ODAD4: variants seen among roughly 807,000 people sequenced by gnomAD.
The protein encoded by ODAD4 is outer dynein arm docking complex subunit 4.
Under a neutral mutation model 51.8 loss-of-function variants are expected in ODAD4, and 49 were observed. That is an observed-to-expected ratio of 0.95 (90% CI 0.75 to 1.20). The LOEUF is 1.20. ODAD4 is among the 50% of genes most tolerant of loss of function. The probability of loss-of-function intolerance (pLI) is 0.00; values close to 1 mark genes in which losing one functional copy is unlikely to be tolerated. For synonymous variants in ODAD4, 235 were observed against 221.3 expected (o/e 1.06, Z -0.55); for missense variants, 590 against 586.5 (o/e 1.01, Z -0.06).
chr17:41,952,696 G>A (rs2050675439), intron 9 of ODAD4: 1 of 514,274 alleles, frequency 1.9e-6, no homozygotes. Context: ...CATATTTTCA[G>A]AATTACACTT....
intron 8 of ODAD4, among the ~76,000 whole-genome samples, chr17:41,947,037 A>T (rs1442196621): frequency 4.0e-5 from 6 of 151,058 alleles, no homozygotes; most frequent in African/African-American, 1.5e-4. Context: ...TTTAGTAGAG[A>T]CGGGGTTTCC....
intron 9 of ODAD4, 31 bp from the exon 10 acceptor site, chr17:41,955,186 C>G (rs1414469264): frequency 1.3e-6 from 1 of 760,450 alleles, no homozygotes; most frequent in South Asian, 1.4e-5. Flanking sequence ...CACACTCTAC[C>G]TGTGTTGTGC....
At chr17:41,959,701 G>A (rs1384517586) in intron 10 of ODAD4, among the ~76,000 whole-genome samples, 5 of 152,204 alleles carry the variant, frequency 3.3e-5, no homozygotes, top group African/African-American at 4.8e-5. Context: ...TCCCGGTGGC[G>A]GGGGATGGTG....
chr17:41,942,205 G>A (rs1317551196), intron 7 of ODAD4, among the ~76,000 whole-genome samples: 1 of 152,158 alleles, frequency 6.6e-6, no homozygotes. Flanking sequence ...CAAAGTGCTA[G>A]GATGACAGGT....
Position 41,966,492 on chromosome 17 carries a change from G to A in ODAD4, c.*1009G>A, listed in dbSNP as rs2050889718. On this transcript the variant is annotated 3_prime_UTR_variant, in exon 12 of 12. Transcript: ENST00000377540. Reference sequence around the variant, plus strand: ...ATATCAAAAATTAAAGACAGGATCCGACTTTGCACGACCCTGCCTCACTCA... The same window carrying A: ...ATATCAAAAATTAAAGACAGGATCCAACTTTGCACGACCCTGCCTCACTCA... Among the ~76,000 whole-genome samples, 1 of 152,198 alleles carries A rather than the reference G, an allele frequency of 6.6e-6. No individual in the cohort carries two copies. The highest frequency in any genetic ancestry group is 6.5e-5 in the Admixed American group (1 of 15,286).
At chr17:41,948,081 G>A (rs1416165468) in intron 8 of ODAD4, among the ~76,000 whole-genome samples, 5 of 151,896 alleles carry the variant, frequency 3.3e-5, no homozygotes, top group African/African-American at 9.7e-5. Context: ...TCTTGCCATT[G>A]CACTCCAGAC....
intron 11 of ODAD4, among the ~76,000 whole-genome samples, chr17:41,963,066 G>A (rs903595235): frequency 2.0e-5 from 3 of 152,192 alleles, no homozygotes; most frequent in South Asian, 4.1e-4. Flanking sequence ...GAGACTCTGC[G>A]GGGAAGCAGC....
chr17:41,945,002 GC>G, intron 7 of ODAD4, 133 bp from the exon 8 acceptor site: 1 of 666,194 alleles, frequency 1.5e-6, no homozygotes. Context: ...TCCTTGCTGG[GC>G]TGGACATTGT....
intron 9 of ODAD4, among the ~76,000 whole-genome samples, chr17:41,953,655 A>T (rs1287024243): frequency 7.0e-6 from 1 of 142,638 alleles, no homozygotes; most frequent in African/African-American, 2.6e-5. Flanking sequence ...TAATTTAATT[A>T]TATATATATA....
intron 9 of ODAD4, among the ~76,000 whole-genome samples, chr17:41,950,676 G>A (rs1013294033): frequency 6.2e-4 from 93 of 150,382 alleles, no homozygotes; most frequent in African/African-American, 2.0e-3. Flanking sequence ...GCGCCTGGCC[G>A]AGGAAACCTT....
chr17:41,955,667 G>A (rs996245926), intron 10 of ODAD4, among the ~76,000 whole-genome samples: 7 of 152,056 alleles, frequency 4.6e-5, no homozygotes, highest in South Asian at 2.1e-4. Context: ...TTTGTGATCC[G>A]CCCGCCTTGG....
At chr17:41,951,808 C>T (rs1382601056) in intron 9 of ODAD4, among the ~76,000 whole-genome samples, 1 of 141,968 alleles carries the variant, frequency 7.0e-6, no homozygotes, top group Non-Finnish European at 1.5e-5. Context: ...TGCTTGAATC[C>T]AGGAGGCGGA....
chr17:41,935,220 C>T lies in ODAD4; in HGVS notation c.118C>T (p.Leu40Phe), dbSNP rs554993453. The change falls in exon 2 of 12, where the codon CTT (leucine) becomes TTT (phenylalanine). Residue 40 changes from leucine to phenylalanine, a missense_variant. Coordinates refer to ENST00000377540, the MANE Select transcript of ODAD4 (RefSeq NM_031421.5). ...SKAAQSFSNALYLQDGDKNCL... is the reference protein window; with the variant it reads ...SKAAQSFSNAFYLQDGDKNCL... Reference sequence around the variant, plus strand: ...ACCTGACTGGTTTCTTTGTCAGGCTCTTTACCTTCAGGATGGAGACAAGAA... The same window carrying T: ...ACCTGACTGGTTTCTTTGTCAGGCTTTTTACCTTCAGGATGGAGACAAGAA... 4.3e-6 allele frequency: 7 copies of T among 1,613,848 alleles called. No homozygotes were observed. The Admixed American group carries it at 8.3e-5, about 19-fold the overall frequency.
chr17:41,940,059 C>T (rs951329842), intron 7 of ODAD4, among the ~76,000 whole-genome samples: 2 of 152,140 alleles, frequency 1.3e-5, no homozygotes, highest in East Asian at 1.9e-4. Flanking sequence ...GACTTCCACC[C>T]GGAGGTTCCA....
chr17:41,942,923 TGCAA>T (rs1172670350), intron 7 of ODAD4, among the ~76,000 whole-genome samples: 1 of 151,998 alleles, frequency 6.6e-6, no homozygotes, highest in Non-Finnish European at 1.5e-5. Flanking sequence ...AGTGTAGTGG[TGCAA>T]TCATATTTCA....
chr17:41,930,881 CTTTTTT>C (rs782820445), intron 1 of ODAD4, 44 bp downstream of exon 1: 65 of 97,168 alleles, frequency 6.7e-4, no homozygotes, highest in Middle Eastern at 8.9e-3. Context: ...TCACCCGTCA[CTTTTTT>C]TTTTTTTTTT....
chr17:41,936,805 TAC>T lies in ODAD4; in HGVS notation c.506_507del (p.His169ProfsTer15). The T allele has an allele frequency of 1.2e-6, 2 of 1,613,954 alleles. No individual in the cohort carries two copies. Among genetic ancestry groups the T allele is most frequent in the African/African-American group, 2.7e-5 (2 of 75,022 alleles). On this transcript the variant is annotated frameshift_variant, in exon 5 of 12. Coordinates refer to ENST00000377540, the MANE Select transcript of ODAD4 (RefSeq NM_031421.5). LOFTEE classifies it high-confidence loss of function. ...AAGCCTCAGCCCATGAAACACCTCT[TAC>T]ACCCCACCAAGGGAGAGCCCAAGTG...
At chr17:41,934,741 C>A (rs2050400806) in intron 1 of ODAD4, among the ~76,000 whole-genome samples, 1 of 152,202 alleles carries the variant, frequency 6.6e-6, no homozygotes, top group African/African-American at 2.4e-5. Context: ...AATGGTTAAG[C>A]CACATGGCAG....
intron 8 of ODAD4, among the ~76,000 whole-genome samples, chr17:41,947,052 G>A (rs1411325050): frequency 1.0e-3 from 154 of 150,416 alleles, no homozygotes; most frequent in Non-Finnish European, 1.8e-3. Flanking sequence ...GTTTCCCCGC[G>A]TTGGTCAGGC....
Sources: gnomAD v4.1 joint callset for allele counts (sites outside exome capture counted in the v4.1 genomes callset) on GRCh38, gnomAD v4.1.1 for gene constraint, MANE v1.5 for transcripts, NCBI Gene and HGNC (gene_info 2026-07-23, HGNC 2026-07-21) for gene names.